Variants in GABRB2 observed in about 807,000 individuals in gnomAD.
The protein encoded by GABRB2 is gamma-aminobutyric acid receptor subunit beta-2.
In GABRB2, 16 loss-of-function variants were observed where a neutral mutation model predicts 54.7. The ratio of observed to expected loss-of-function variants is 0.29; its 90% CI spans 0.20 to 0.44. GABRB2 has a LOEUF of 0.44. Ranked by LOEUF, GABRB2 falls within the 20% of genes least tolerant of loss-of-function variation. GABRB2 has a pLI of 1.00. For missense variants in GABRB2, 355 were observed against 644.0 expected (o/e 0.55, Z 4.86); for synonymous variants, 244 against 233.8 (o/e 1.04, Z -0.40).
intron 4 of GABRB2, among the ~76,000 whole-genome samples, chr5:161,428,378 T>C (rs1340528943): frequency 2.0e-5 from 3 of 151,946 alleles, no homozygotes; most frequent in Non-Finnish European, 2.9e-5. Context: ...TTTATTTCTA[T>C]AGTCTTCATG....
At chr5:161,477,827 T>C (rs1758642460) in intron 3 of GABRB2, among the ~76,000 whole-genome samples, 2 of 151,916 alleles carry the variant, frequency 1.3e-5, no homozygotes, top group Admixed American at 6.6e-5. Context: ...TTGAGGGTTG[T>C]CGTTTACAGG....
chr5:161,394,318 A>G (rs1179366652), intron 5 of GABRB2, among the ~76,000 whole-genome samples: 2 of 151,886 alleles, frequency 1.3e-5, no homozygotes, highest in African/African-American at 4.8e-5. Context: ...AGAAAATAAT[A>G]AGCAAAATAA....
At chr5:161,414,362 A>G (rs1043129960) in intron 4 of GABRB2, among the ~76,000 whole-genome samples, 1 of 152,188 alleles carries the variant, frequency 6.6e-6, no homozygotes, top group African/African-American at 2.4e-5. Flanking sequence ...CTGTTATGCA[A>G]CTTTTTTTAT....
At chr5:161,496,705 G>A (rs112827424) in intron 3 of GABRB2, among the ~76,000 whole-genome samples, 18 of 151,908 alleles carry the variant, frequency 1.2e-4, no homozygotes, top group African/African-American at 2.4e-4. Context: ...AGGTATATTC[G>A]ACATCATAAT....
At chr5:161,310,656 TGCACAC>T (rs1204347518) in intron 9 of GABRB2, among the ~76,000 whole-genome samples, 2 of 147,972 alleles carry the variant, frequency 1.4e-5, no homozygotes, top group Admixed American at 6.8e-5. Context: ...TACACACACA[TGCACAC>T]GCACGCGCAC....
At chr5:161,317,738 G>A (rs896563669) in intron 9 of GABRB2, among the ~76,000 whole-genome samples, 2 of 151,910 alleles carry the variant, frequency 1.3e-5, no homozygotes, top group Non-Finnish European at 2.9e-5. Flanking sequence ...ATTAATAAAT[G>A]TTAATATTTT....
intron 4 of GABRB2, among the ~76,000 whole-genome samples, chr5:161,447,598 A>G (rs1757672668): frequency 1.3e-5 from 2 of 152,124 alleles, no homozygotes; most frequent in Admixed American, 6.6e-5. Context: ...AGCATTTTGT[A>G]AAGTGGTGAA....
Position 161,363,078 on chromosome 5 carries a change from C to T in GABRB2, c.542-26309G>A, listed in dbSNP as rs912063504. ...ATTCTGCTATAAAGACACATGCACA[C>T]GTATGTTAATTGCGGCACTGTTCAC... On this transcript the variant is annotated intron_variant, in intron 5 of 9. Coordinates refer to ENST00000393959, the MANE Select transcript of GABRB2 (RefSeq NM_001371727.1). Among the ~76,000 whole-genome samples the T allele has an allele frequency of 2.7e-4, 41 of 152,244 alleles. 1 individual carries two copies. In the Middle Eastern group the frequency reaches 0.014, roughly 51 times the overall value.
chr5:161,526,037 T>C (rs1760269035), intron 3 of GABRB2, among the ~76,000 whole-genome samples: 1 of 151,328 alleles, frequency 6.6e-6, no homozygotes, highest in Non-Finnish European at 1.5e-5. Context: ...CAAAGGTACA[T>C]TTGATATAAC....
At chr5:161,318,005 T>TTA (rs1414220650) in intron 9 of GABRB2, among the ~76,000 whole-genome samples, 1 of 152,002 alleles carries the variant, frequency 6.6e-6, no homozygotes, top group African/African-American at 2.4e-5. Flanking sequence ...GCATAAATCG[T>TTA]TATATATATG....
chr5:161,485,951 A>G (rs532235245), intron 3 of GABRB2, among the ~76,000 whole-genome samples: 1 of 152,012 alleles, frequency 6.6e-6, no homozygotes, highest in Admixed American at 6.6e-5. Context: ...CAGCCAAAAG[A>G]TGGAAAATGG....
chr5:161,523,333 C>A (rs1192922780), intron 3 of GABRB2, among the ~76,000 whole-genome samples: 1 of 151,484 alleles, frequency 6.6e-6, no homozygotes, highest in East Asian at 1.9e-4. Context: ...GGAGAAGTAA[C>A]AACCAAATGC....
In GABRB2 at chr5:161,452,099, T is replaced by G. The variant is rs1757805500; in HGVS notation, c.458+7525A>C. 2.0e-5 allele frequency among the ~76,000 whole-genome samples: 3 copies of G among 152,188 alleles called. No homozygotes were observed. The South Asian group carries it at 6.2e-4, about 32-fold the overall frequency. On this transcript the variant is annotated intron_variant, in intron 4 of 9. Transcript: ENST00000393959. Reference sequence around the variant, plus strand: ...GTTTTAATGAAAATATGCACTGTTATGCTCACAAAAACATGTCATCAATTG... The same window carrying G: ...GTTTTAATGAAAATATGCACTGTTAGGCTCACAAAAACATGTCATCAATTG...
At chr5:161,419,919 T>C (rs906156044) in intron 4 of GABRB2, among the ~76,000 whole-genome samples, 2 of 152,094 alleles carry the variant, frequency 1.3e-5, no homozygotes, top group Non-Finnish European at 1.5e-5. Context: ...TTATGCAATA[T>C]ATCCACATAA....
chr5:161,374,921 G>A (rs563709925), intron 5 of GABRB2, among the ~76,000 whole-genome samples: 26 of 152,088 alleles, frequency 1.7e-4, no homozygotes, highest in Non-Finnish European at 2.2e-4. Context: ...CTCATGGTGC[G>A]TAGTAGACAT....
rs373480281 is a variant in GABRB2 at position 161,410,968 on chromosome 5, G to A, written c.541+7C>T. 2 of 1,608,866 alleles carry A rather than the reference G, an allele frequency of 1.2e-6. No individual in the cohort carries two copies. Among genetic ancestry groups the A allele is most frequent in the Non-Finnish European group, 1.7e-6 (2 of 1,175,492 alleles). ...TCCAGTCTAGCTGGATTCTCAGAAC[G>A]ACTTACAGCTCTCAATTTCCAAGGT... On this transcript the variant is annotated splice_region_variant and intron_variant, in intron 5 of 9. Coordinates refer to ENST00000393959, the MANE Select transcript of GABRB2 (RefSeq NM_001371727.1).
chr5:161,509,538 C>T (rs1322436738), intron 3 of GABRB2, among the ~76,000 whole-genome samples: 1 of 151,968 alleles, frequency 6.6e-6, no homozygotes, highest in East Asian at 1.9e-4. Context: ...ATCAGCTCCA[C>T]ACCTTACACA....
intron 3 of GABRB2, among the ~76,000 whole-genome samples, chr5:161,539,930 A>G (rs1209019086): frequency 6.6e-6 from 1 of 152,216 alleles, no homozygotes; most frequent in Non-Finnish European, 1.5e-5. Context: ...CAATCATCTG[A>G]GCCTTCACGG....
At chr5:161,519,811 A>G (rs1055950939) in intron 3 of GABRB2, among the ~76,000 whole-genome samples, 4 of 152,156 alleles carry the variant, frequency 2.6e-5, no homozygotes, top group African/African-American at 9.7e-5. Flanking sequence ...AAATTTTACA[A>G]GTCATTCTGC....
Sources: allele counts gnomAD v4.1 joint callset (sites outside exome capture counted in the v4.1 genomes callset), GRCh38; gene constraint gnomAD v4.1.1; transcripts MANE v1.5; gene names NCBI Gene and HGNC (gene_info 2026-07-23, HGNC 2026-07-21).